Variants in LMNTD1 observed in about 807,000 individuals in gnomAD.
LMNTD1 encodes the protein lamin tail domain-containing protein 1.
Under a neutral mutation model 50.9 loss-of-function variants are expected in LMNTD1, and 35 were observed. The observed-to-expected ratio is 0.69, with a 90% confidence interval of 0.53 to 0.91. The LOEUF is 0.91. LMNTD1 is among the 40% of genes least tolerant of loss of function. The probability of loss-of-function intolerance (pLI) is 0.00; values close to 1 mark genes in which losing one functional copy is unlikely to be tolerated. For missense variants in LMNTD1, 470 were observed against 475.5 expected (o/e 0.99, Z 0.11); for synonymous variants, 153 against 161.9 (o/e 0.94, Z 0.42).
At chr12:25,610,171 G>A (rs1211500562) in intron 1 of LMNTD1, among the ~76,000 whole-genome samples, 1 of 152,166 alleles carries the variant, frequency 6.6e-6, no homozygotes, top group Non-Finnish European at 1.5e-5. Context: ...TTCCTGGTGT[G>A]CCATTTGCTA....
intron 1 of LMNTD1, among the ~76,000 whole-genome samples, chr12:25,561,506 T>C (rs1174820972): frequency 2.6e-5 from 4 of 152,190 alleles, no homozygotes; most frequent in Non-Finnish European, 4.4e-5. Context: ...GTCTGAGAGA[T>C]AGTTCCTTAT....
chr12:25,640,729 C>T (rs1694169325), intron 1 of LMNTD1, among the ~76,000 whole-genome samples: 1 of 151,574 alleles, frequency 6.6e-6, no homozygotes, highest in Non-Finnish European at 1.5e-5. Flanking sequence ...GTGGCGCAAA[C>T]TCAGCTCACT....
At chr12:25,640,041 C>T (rs534155925) in intron 1 of LMNTD1, among the ~76,000 whole-genome samples, 1 of 152,250 alleles carries the variant, frequency 6.6e-6, no homozygotes, top group South Asian at 2.1e-4. Flanking sequence ...AGAAGACAGA[C>T]ATAAAAGACC....
chr12:25,489,014 A>C (rs1187131181), intron 9 of LMNTD1, among the ~76,000 whole-genome samples: 4 of 152,150 alleles, frequency 2.6e-5, no homozygotes, highest in African/African-American at 4.8e-5. Context: ...TGCTGGGAGA[A>C]CCACTGCTCT....
At chr12:25,614,573 A>T (rs527327951) in intron 1 of LMNTD1, among the ~76,000 whole-genome samples, 1 of 152,144 alleles carries the variant, frequency 6.6e-6, no homozygotes. Context: ...TTCCTCCTAA[A>T]GTTAGTTTTC....
chr12:25,633,007 A>G (rs1214658408), intron 1 of LMNTD1, among the ~76,000 whole-genome samples: 1 of 148,380 alleles, frequency 6.7e-6, no homozygotes, highest in Non-Finnish European at 1.5e-5. Flanking sequence ...ACCAAAAGTG[A>G]GCAGGAGTAG....
intron 1 of LMNTD1, among the ~76,000 whole-genome samples, chr12:25,629,300 C>T (rs548589703): frequency 2.6e-5 from 4 of 152,272 alleles, no homozygotes; most frequent in African/African-American, 7.2e-5. Flanking sequence ...TTTCTCCTAT[C>T]TCCTTACTGC....
At chr12:25,488,918 G>A (rs938692112) in intron 9 of LMNTD1, among the ~76,000 whole-genome samples, 2 of 152,186 alleles carry the variant, frequency 1.3e-5, no homozygotes, top group African/African-American at 4.8e-5. Flanking sequence ...CTGCTGGGGG[G>A]TGCCTCCCAG....
chr12:25,624,169 C>G lies in LMNTD1; in HGVS notation c.58+24325G>C, dbSNP rs1592115767. On this transcript the variant is annotated intron_variant, in intron 1 of 7. Coordinates refer to the LMNTD1 transcript ENST00000445693. The stretch of plus-strand genomic sequence containing the variant: ...AAACACCTTTCACATATGAAAAAGA[C>G]AACCATTGTACTGTCAATAGGGATT... Among the ~76,000 whole-genome samples the G allele has an allele frequency of 2.0e-5, 3 of 152,122 alleles. No homozygotes were observed. The South Asian group carries it at 6.2e-4, about 32-fold the overall frequency.
intron 1 of LMNTD1, chr12:25,592,874 G>A (rs973574628): frequency 1.3e-5 from 2 of 152,192 alleles, no homozygotes; most frequent in Non-Finnish European, 2.9e-5. Flanking sequence ...GCTGTTGTAG[G>A]GGGTGGGCCA....
intron 9 of LMNTD1, among the ~76,000 whole-genome samples, chr12:25,485,050 T>G (rs893934349): frequency 7.9e-5 from 12 of 151,732 alleles, no homozygotes; most frequent in African/African-American, 2.9e-4. Flanking sequence ...AAATGGTATT[T>G]CTAGTTCTAG....
intron 6 of LMNTD1, among the ~76,000 whole-genome samples, chr12:25,524,591 T>A (rs1359931881): frequency 6.6e-6 from 1 of 152,184 alleles, no homozygotes; most frequent in African/African-American, 2.4e-5. Context: ...CCTGGAGCAA[T>A]GCACATACAA....
intron 3 of LMNTD1, among the ~76,000 whole-genome samples, chr12:25,546,880 C>T (rs1943467366): frequency 6.6e-6 from 1 of 151,492 alleles, no homozygotes; most frequent in South Asian, 2.1e-4. Flanking sequence ...ATAGGGAAAA[C>T]ATTTTAGTCT....
chr12:25,616,156 A>G (rs1946350279), intron 1 of LMNTD1, among the ~76,000 whole-genome samples: 1 of 152,188 alleles, frequency 6.6e-6, no homozygotes, highest in African/African-American at 2.4e-5. Flanking sequence ...AAGTAAATCA[A>G]TAAAGCAGGG....
At chr12:25,505,314 C>T (rs1481403581) in intron 8 of LMNTD1, among the ~76,000 whole-genome samples, 1 of 152,098 alleles carries the variant, frequency 6.6e-6, no homozygotes, top group East Asian at 1.9e-4. Context: ...AAGAAGGTTA[C>T]AATCTTTCAT....
chr12:25,549,676 C>A, intron 2 of LMNTD1, 130 bp from the exon 3 acceptor site: 5 of 445,408 alleles, frequency 1.1e-5, no homozygotes, highest in Non-Finnish European at 1.6e-5. Context: ...AACACAAGCA[C>A]AATAACATCT....
At chr12:25,533,906 T>C (rs1942392577) in intron 4 of LMNTD1, among the ~76,000 whole-genome samples, 1 of 152,216 alleles carries the variant, frequency 6.6e-6, no homozygotes, top group Non-Finnish European at 1.5e-5. Context: ...TTTATCATGA[T>C]CTCAGTGAGG....
chr12:25,600,701 T>C (rs1226697752), intron 1 of LMNTD1, among the ~76,000 whole-genome samples: 2 of 152,026 alleles, frequency 1.3e-5, no homozygotes, highest in African/African-American at 4.8e-5. Flanking sequence ...GAAAAGGTGC[T>C]CAACATCATT....
chr12:25,576,929 C>A (rs1236247756), intron 1 of LMNTD1, among the ~76,000 whole-genome samples: 5 of 152,168 alleles, frequency 3.3e-5, no homozygotes, highest in Admixed American at 1.3e-4. Flanking sequence ...GTTTTCCCAG[C>A]ACCATTTATT....
Sources: gnomAD v4.1 joint callset for allele counts (sites outside exome capture counted in the v4.1 genomes callset) on GRCh38, gnomAD v4.1.1 for gene constraint, MANE v1.5 for transcripts, NCBI Gene and HGNC (gene_info 2026-07-23, HGNC 2026-07-21) for gene names.